Variants in TLK1 observed in about 807,000 individuals in gnomAD.
TLK1 encodes the protein serine/threonine-protein kinase tousled-like 1.
Under a neutral mutation model 105.3 loss-of-function variants are expected in TLK1, and 24 were observed. The ratio of observed to expected loss-of-function variants is 0.23; its 90% CI spans 0.17 to 0.32. The LOEUF (loss-of-function observed/expected upper bound fraction) is 0.32. TLK1 is among the 10% of genes least tolerant of loss of function. TLK1 has a pLI of 1.00. For missense variants in TLK1, 558 were observed against 910.5 expected, an observed-to-expected ratio of 0.61 and a Z score of 4.98; for synonymous variants, 321 against 310.4, an observed-to-expected ratio of 1.03 and a Z score of -0.36.
At chr2:171,137,244 T>C (rs1218144291) in intron 1 of TLK1, among the ~76,000 whole-genome samples, 2 of 152,012 alleles carry the variant, frequency 1.3e-5, no homozygotes, top group African/African-American at 2.4e-5. Flanking sequence ...ATCATGCCAC[T>C]GTACTCCAGG....
chr2:171,073,607 A>G (rs936959995), intron 3 of TLK1, among the ~76,000 whole-genome samples: 1 of 152,170 alleles, frequency 6.6e-6, no homozygotes, highest in African/African-American at 2.4e-5. Flanking sequence ...AGAGACTAAT[A>G]AGCATGAACA....
chr2:170,999,323 G>A (rs16859087), intron 18 of TLK1, among the ~76,000 whole-genome samples: 17,208 of 152,154 alleles, frequency 0.11, 1,531 homozygotes, highest in African/African-American at 0.24. Context: ...AAACTTCCGT[G>A]AAGTAAAACC....
At chr2:171,102,644 G>T (rs796658013) in intron 2 of TLK1, among the ~76,000 whole-genome samples, 1 of 152,094 alleles carries the variant, frequency 6.6e-6, no homozygotes, top group Non-Finnish European at 1.5e-5. Flanking sequence ...TTTCTAAAAC[G>T]GTTTGATATA....
At chr2:171,055,032 G>T (rs1227240447) in intron 7 of TLK1, 51 bp downstream of exon 7, 10 of 1,070,500 alleles carry the variant, frequency 9.3e-6, no homozygotes, top group Middle Eastern at 2.5e-4. Context: ...TAGTAAGTTA[G>T]TCAATGGTTT....
chr2:171,014,794 T>G, intron 13 of TLK1, 57 bp downstream of exon 13: 1 of 1,247,152 alleles, frequency 8.0e-7, no homozygotes. Context: ...TTATGCTCTA[T>G]GGGGGGCGGG....
At chr2:171,058,325 G>A in intron 4 of TLK1, 128 bp from the exon 5 acceptor site, 1 of 817,738 alleles carries the variant, frequency 1.2e-6, no homozygotes, top group African/African-American at 1.7e-5. Context: ...ATAGAGACAT[G>A]CCAATTTTTA....
intron 1 of TLK1, among the ~76,000 whole-genome samples, chr2:171,206,512 G>A (rs889652122): frequency 4.6e-5 from 7 of 152,134 alleles, no homozygotes; most frequent in Admixed American, 1.3e-4. Context: ...AAACCTTTAA[G>A]GGGCCTATCA....
Position 171,160,209 on chromosome 2 carries a change from GGGGGGGGC to G in TLK1, c.139+73_139+80del, listed in dbSNP as rs1160556459. 5 of 1,225,600 alleles carry G rather than the reference GGGGGGGGC, an allele frequency of 4.1e-6. No homozygotes were observed. In the African/African-American group the frequency reaches 6.8e-5, roughly 17 times the overall value. 75.9% of individuals were successfully genotyped at this position (1,225,600 alleles called of 1,614,324 possible). A position where few individuals can be genotyped will look rare whatever the true frequency, so the allele number is the denominator to read the frequency against. ...GGGTCTGGCGGAGAAGCCCCGGGGCGGGGGGGGCGGGGGGGGGGCGCGGGGGTCCGCGG... is the reference window on the plus strand; with the variant it reads ...GGGTCTGGCGGAGAAGCCCCGGGGCGGGGGGGGGGGCGCGGGGGTCCGCGG... On this transcript the variant is annotated intron_variant, in intron 1 of 20. Transcript: ENST00000431350. The surrounding 1 kb of genome is among the most constrained non-coding windows in gnomAD (Gnocchi z 4.4).
intron 1 of TLK1, among the ~76,000 whole-genome samples, chr2:171,230,566 C>G (rs550605259): frequency 1.5e-4 from 23 of 152,310 alleles, no homozygotes; most frequent in African/African-American, 5.1e-4. Flanking sequence ...CTTTGGACCA[C>G]TCTAAAACCC....
rs769293912 is a variant in TLK1, at chr2:171,046,226, C to T, written c.1117G>A (p.Ala373Thr). 6 of 1,612,664 alleles carry T rather than the reference C, an allele frequency of 3.7e-6. No homozygotes were observed. The South Asian group carries it at 5.5e-5, about 15-fold the overall frequency. The change falls in exon 11 of 21, where the codon GCA becomes ACA. Residue 373 changes from alanine to threonine, a missense_variant. Ala to Thr is a moderately conservative substitution (Grantham distance 58). This residue lies in a region of TLK1 where 218 missense variants were observed against 492.9 expected (regional missense o/e 0.44). Transcript: ENST00000431350. ...GGATCATTCTCTGCTCCATTGACTG[C>T]TTTGTTTTTCCTTTGTTTTGGTTCA... ...NSEPKQRKNK[A>T]VNGAENDPFV...
chr2:171,083,567 C>G (rs1310490079), intron 2 of TLK1, among the ~76,000 whole-genome samples: 1 of 152,092 alleles, frequency 6.6e-6, no homozygotes, highest in African/African-American at 2.4e-5. Context: ...ATGCTTAGAC[C>G]AGGTGGCTGA....
chr2:171,143,610 T>C (rs1468587356), intron 1 of TLK1, among the ~76,000 whole-genome samples: 1 of 148,156 alleles, frequency 6.7e-6, no homozygotes, highest in Admixed American at 6.9e-5. Flanking sequence ...TTTCTATATA[T>C]TGCAAGAATT....
intron 1 of TLK1, among the ~76,000 whole-genome samples, chr2:171,208,535 AC>A (rs575005678): frequency 5.4e-4 from 82 of 152,334 alleles, no homozygotes; most frequent in African/African-American, 1.8e-3. Context: ...TCAAAATAGT[AC>A]AGATCAAAAG....
chr2:171,061,029 CA>C, intron 4 of TLK1, 51 bp downstream of exon 4: 1 of 1,524,398 alleles, frequency 6.6e-7, no homozygotes, highest in Admixed American at 1.9e-5. Context: ...AAAATTAAAA[CA>C]ATTAATTTTA....
At position 171,099,209 on chromosome 2, in the gene TLK1, T is replaced by C. The variant is rs560231679; in HGVS notation, c.259-16357A>G. Among the ~76,000 whole-genome samples the C allele has an allele frequency of 2.6e-5, 4 of 152,216 alleles. No homozygotes were observed. In the East Asian group the frequency reaches 7.7e-4, roughly 29 times the overall value. On this transcript the variant is annotated intron_variant, in intron 2 of 20. Transcript: ENST00000431350. ...CACACAAAAACCAAATGTATATCTA[T>C]AAAACAGCAAAGAGCAATGTGAAAA...
Position 171,223,118 on chromosome 2 carries a change from G to GAT in TLK1, c.-6+8025_-6+8026dup, listed in dbSNP as rs1211558417. On this transcript the variant is annotated intron_variant, in intron 1 of 20. Transcript: ENST00000521943. Reference sequence around the variant, plus strand: ...GCATGAGCCACTGTGCCCAGCCTAAGATATGTCTTTGATATTCTGATTTAC... The same window carrying GAT: ...GCATGAGCCACTGTGCCCAGCCTAAGATATATGTCTTTGATATTCTGATTTAC... Among the ~76,000 whole-genome samples the GAT allele has an allele frequency of 9.2e-5, 14 of 152,156 alleles. No individual in the cohort carries two copies. The East Asian group carries it at 1.5e-3, about 17-fold the overall frequency.
At chr2:171,097,021 A>G (rs1451240751) in intron 2 of TLK1, among the ~76,000 whole-genome samples, 1 of 152,252 alleles carries the variant, frequency 6.6e-6, no homozygotes, top group Non-Finnish European at 1.5e-5. Flanking sequence ...CCAAAGAGCC[A>G]AAGCAAAACT....
intron 1 of TLK1, among the ~76,000 whole-genome samples, chr2:171,221,077 A>G (rs1354196532): frequency 6.6e-6 from 1 of 152,096 alleles, no homozygotes; most frequent in Non-Finnish European, 1.5e-5. Context: ...ATATGTTAAT[A>G]ATCTCTAGGA....
intron 1 of TLK1, among the ~76,000 whole-genome samples, chr2:171,131,244 C>T (rs1050834602): frequency 6.6e-6 from 1 of 152,132 alleles, no homozygotes; most frequent in African/African-American, 2.4e-5. Flanking sequence ...GTTACAGACA[C>T]TCAACCATTT....
Sources: gnomAD v4.1 joint callset for allele counts (sites outside exome capture counted in the v4.1 genomes callset) on GRCh38, gnomAD v4.1.1 for gene constraint, gnomAD v4.1.1 regional missense constraint, Gnocchi (gnomAD v3.1) non-coding constraint, MANE v1.5 for transcripts, NCBI Gene and HGNC (gene_info 2026-07-23, HGNC 2026-07-21) for gene names.